PTPRT: variants seen among roughly 807,000 people sequenced by gnomAD.
PTPRT encodes the protein receptor-type tyrosine-protein phosphatase T.
In PTPRT, 56 loss-of-function variants were observed where a neutral mutation model predicts 176.8. The observed-to-expected ratio is 0.32, with a 90% CI of 0.26 to 0.40. The LOEUF (loss-of-function observed/expected upper bound fraction) is 0.40, where lower values mean the gene tolerates loss of function less well. PTPRT is among the 10% of genes least tolerant of loss of function. The pLI is 1.00. For synonymous variants in PTPRT, 783 were observed against 739.0 expected (o/e 1.06, Z -0.96); for missense variants, 1,540 against 1,908.2 (o/e 0.81, Z 3.60).
chr20:42,253,919 T>G (rs2056591911), intron 13 of PTPRT, among the ~76,000 whole-genome samples: 1 of 152,192 alleles, frequency 6.6e-6, no homozygotes, highest in Admixed American at 6.5e-5. Flanking sequence ...TGGCTAAGGA[T>G]CCAGTCTCCT....
intron 15 of PTPRT, among the ~76,000 whole-genome samples, chr20:42,231,593 G>A (rs964103539): frequency 1.3e-5 from 2 of 152,168 alleles, no homozygotes; most frequent in African/African-American, 4.8e-5. Flanking sequence ...CATGGCAGGA[G>A]CTCAATAAGA....
Position 42,184,794 on chromosome 20 carries a change from ATT to A in PTPRT, c.2491+14444_2491+14445del, listed in dbSNP as rs113419816. 2.3e-3 allele frequency among the ~76,000 whole-genome samples: 324 copies of A among 139,768 alleles called. 2 individuals are homozygous for A. The highest frequency in any genetic ancestry group is 8.2e-3 in the African/African-American group (307 of 37,608). The allele number at this position is 139,768 out of a possible 152,430, so 91.7% of individuals were successfully genotyped here. On this transcript the variant is annotated intron_variant, in intron 16 of 30. Transcript: ENST00000373187. ...AGGCATGCACCACCACACCCGGCTA[ATT>A]TTTTTTTTTTTGTATTTTTACCAGA... is the stretch of plus-strand genomic sequence containing the variant.
intron 9 of PTPRT, among the ~76,000 whole-genome samples, chr20:42,443,746 G>A (rs1183958385): frequency 1.3e-5 from 2 of 152,172 alleles, no homozygotes; most frequent in Non-Finnish European, 2.9e-5. Flanking sequence ...GCTCCAGGGT[G>A]CTCATCAAGA....
chr20:43,144,346 C>T (rs1001588142), intron 1 of PTPRT, among the ~76,000 whole-genome samples: 2 of 152,174 alleles, frequency 1.3e-5, no homozygotes, highest in Non-Finnish European at 2.9e-5. Flanking sequence ...GGGCACCATC[C>T]TTGATCTCTC....
intron 1 of PTPRT, among the ~76,000 whole-genome samples, chr20:43,023,894 T>C (rs1227661479): frequency 1.3e-5 from 2 of 152,286 alleles, no homozygotes; most frequent in African/African-American, 4.8e-5. Flanking sequence ...GAGACAAACA[T>C]CCTGGTAAAT....
At chr20:43,173,406 G>A (rs988080146) in intron 1 of PTPRT, among the ~76,000 whole-genome samples, 1 of 152,212 alleles carries the variant, frequency 6.6e-6, no homozygotes, top group Admixed American at 6.5e-5. Context: ...AGAGATTCTT[G>A]CAGCAAAATC....
chr20:42,477,278 T>C (rs2071306793), intron 7 of PTPRT, among the ~76,000 whole-genome samples: 1 of 152,190 alleles, frequency 6.6e-6, no homozygotes, highest in South Asian at 2.1e-4. Flanking sequence ...TCCTGTGAGA[T>C]GAACAGATGG....
chr20:42,568,094 G>A (rs767427431), intron 7 of PTPRT, among the ~76,000 whole-genome samples: 2 of 151,502 alleles, frequency 1.3e-5, no homozygotes, highest in Non-Finnish European at 2.9e-5. Flanking sequence ...TCAGGCTCCC[G>A]AGTAGCTGGG....
At chr20:42,656,377 G>A (rs990849677) in intron 7 of PTPRT, among the ~76,000 whole-genome samples, 5 of 152,150 alleles carry the variant, frequency 3.3e-5, no homozygotes, top group African/African-American at 1.2e-4. Flanking sequence ...AATGGATTCC[G>A]CTCCAAATAG....
At chr20:42,047,968 G>T in the PTPRT span, among the ~76,000 whole-genome samples, 1 of 152,148 alleles carries the variant, frequency 6.6e-6, no homozygotes, top group Non-Finnish European at 1.5e-5. Flanking sequence ...GAAGGGTGAG[G>T]GTTGAGGGGA....
intron 9 of PTPRT, among the ~76,000 whole-genome samples, chr20:42,356,772 T>C (rs1054171246): frequency 1.3e-5 from 2 of 152,174 alleles, no homozygotes; most frequent in African/African-American, 2.4e-5. Context: ...ATGAAGAATG[T>C]GTCTCTGTCA....
intron 2 of PTPRT, among the ~76,000 whole-genome samples, chr20:42,870,808 G>A (rs1362030273): frequency 1.3e-5 from 2 of 152,044 alleles, no homozygotes; most frequent in Admixed American, 6.6e-5. Flanking sequence ...AATGTACAAA[G>A]GTTCCAATTT....
intron 7 of PTPRT, among the ~76,000 whole-genome samples, chr20:42,522,100 G>A (rs1165041124): frequency 6.7e-6 from 1 of 149,366 alleles, no homozygotes; most frequent in African/African-American, 2.5e-5. Flanking sequence ...TTCTTCTTTG[G>A]GAATTCCAGT....
At chr20:42,695,836 C>T (rs1471434195) in intron 6 of PTPRT, among the ~76,000 whole-genome samples, 1 of 152,184 alleles carries the variant, frequency 6.6e-6, no homozygotes, top group Non-Finnish European at 1.5e-5. Flanking sequence ...ATCTCTCATG[C>T]AAGAAAATCT....
At position 42,328,324 on chromosome 20, in the gene PTPRT, C is replaced by A. The variant is rs147821079; in HGVS notation, c.1866-12328G>T. 2.0e-5 allele frequency among the ~76,000 whole-genome samples: 3 copies of A among 152,196 alleles called. No homozygotes were observed. The East Asian group carries it at 5.8e-4, about 29-fold the overall frequency. On this transcript the variant is annotated intron_variant, in intron 11 of 30. Coordinates refer to ENST00000373187, the MANE Select transcript of PTPRT (RefSeq NM_007050.6). Reference sequence around the variant, plus strand: ...ACAACACTAGAGCCAGATGGCTTTTCCAATGAGTTCTTTCAATCTTCCAGG... The same window carrying A: ...ACAACACTAGAGCCAGATGGCTTTTACAATGAGTTCTTTCAATCTTCCAGG...
At chr20:42,945,195 G>T (rs962040092) in intron 1 of PTPRT, among the ~76,000 whole-genome samples, 1 of 150,952 alleles carries the variant, frequency 6.6e-6, no homozygotes, top group Admixed American at 6.6e-5. Flanking sequence ...ACATATATAT[G>T]TATGTATGTA....
At chr20:42,418,505 G>C (rs1297166909) in intron 9 of PTPRT, among the ~76,000 whole-genome samples, 2 of 152,094 alleles carry the variant, frequency 1.3e-5, no homozygotes, top group Non-Finnish European at 2.9e-5. Context: ...CACATAAATA[G>C]TTAACAACTA....
intron 1 of PTPRT, among the ~76,000 whole-genome samples, chr20:43,180,470 A>AT (rs3091964): frequency 2.0e-5 from 3 of 148,454 alleles, no homozygotes; most frequent in Admixed American, 6.7e-5. Context: ...ATACACCCAC[A>AT]TTTTTTTTTT....
intron 2 of PTPRT, among the ~76,000 whole-genome samples, chr20:42,828,481 C>T (rs141993901): frequency 1.1e-4 from 16 of 152,246 alleles, no homozygotes; most frequent in Non-Finnish European, 2.1e-4. Context: ...AATGAGGAGC[C>T]GAATGTTAAT....
Sources: gnomAD v4.1 joint callset for allele counts (sites outside exome capture counted in the v4.1 genomes callset) on GRCh38, gnomAD v4.1.1 for gene constraint, MANE v1.5 for transcripts, NCBI Gene and HGNC (gene_info 2026-07-23, HGNC 2026-07-21) for gene names.